The following CMSS1 variants were observed in gnomAD, a reference collection of about 807,000 sequenced individuals.
CMSS1 encodes protein CMSS1.
CMSS1 carries 33 observed loss-of-function variants against 43.5 expected under a neutral mutation model. That is an observed-to-expected ratio of 0.76 (90% CI 0.57 to 1.01). The LOEUF (loss-of-function observed/expected upper bound fraction) is 1.01. Ranked by LOEUF, CMSS1 falls within the 50% of genes least tolerant of loss-of-function variation. The pLI, the probability that CMSS1 is intolerant of heterozygous loss-of-function variation, is 0.00. For synonymous variants in CMSS1, 115 were observed against 117.2 expected, an observed-to-expected ratio of 0.98 and a Z score of 0.12; for missense variants, 313 against 326.4, an observed-to-expected ratio of 0.96 and a Z score of 0.32.
At chr3:99,984,260 T>C (rs1709266110) in intron 1 of CMSS1, among the ~76,000 whole-genome samples, 1 of 152,210 alleles carries the variant, frequency 6.6e-6, no homozygotes, top group Non-Finnish European at 1.5e-5. Context: ...CATGTATTTA[T>C]TATGTAGAGT....
chr3:99,971,208 C>T (rs1158642286), intron 1 of CMSS1, among the ~76,000 whole-genome samples: 1 of 151,956 alleles, frequency 6.6e-6, no homozygotes, highest in Non-Finnish European at 1.5e-5. Flanking sequence ...GGCCTGGTGG[C>T]AGATGCCTGT....
chr3:100,152,353 A>G (rs2066926233), intron 2 of CMSS1, among the ~76,000 whole-genome samples: 1 of 152,042 alleles, frequency 6.6e-6, no homozygotes, highest in African/African-American at 2.4e-5. Flanking sequence ...TTCTGCATAT[A>G]TACCTCCTTT....
chr3:100,142,506 G>T (rs1432857396), intron 1 of CMSS1, among the ~76,000 whole-genome samples: 1 of 152,148 alleles, frequency 6.6e-6, no homozygotes, highest in African/African-American at 2.4e-5. Context: ...TTGAGCATCT[G>T]TGGATTTTGG....
intron 8 of CMSS1, among the ~76,000 whole-genome samples, chr3:100,174,918 T>G (rs893900495): frequency 2.6e-5 from 4 of 152,160 alleles, no homozygotes; most frequent in African/African-American, 9.7e-5. Context: ...TAATAATGAA[T>G]GTATTTCCTT....
At chr3:100,087,979 C>T (rs186026469) in intron 1 of CMSS1, among the ~76,000 whole-genome samples, 1 of 151,882 alleles carries the variant, frequency 6.6e-6, no homozygotes, top group Non-Finnish European at 1.5e-5. Context: ...TACAGGTGCC[C>T]ACCACCATGC....
chr3:99,863,554 A>C (rs1220002411), intron 1 of CMSS1, among the ~76,000 whole-genome samples: 1 of 152,228 alleles, frequency 6.6e-6, no homozygotes. Flanking sequence ...GCAGATTGAA[A>C]GATACCCTAG....
chr3:100,156,655 G>A (rs904980878), intron 2 of CMSS1, among the ~76,000 whole-genome samples: 9 of 150,702 alleles, frequency 6.0e-5, no homozygotes, highest in East Asian at 5.9e-4. Context: ...TCGCTCTGTC[G>A]CCCGGGCTGG....
At chr3:99,872,525 A>C (rs1350448933) in intron 1 of CMSS1, among the ~76,000 whole-genome samples, 1 of 151,894 alleles carries the variant, frequency 6.6e-6, no homozygotes, top group Non-Finnish European at 1.5e-5. Flanking sequence ...TGTCCCAATC[A>C]TACACTTACC....
chr3:100,144,899 CT>C (rs1220241490), intron 1 of CMSS1, among the ~76,000 whole-genome samples: 1 of 152,120 alleles, frequency 6.6e-6, no homozygotes, highest in African/African-American at 2.4e-5. Flanking sequence ...AGCTGGTCTG[CT>C]ATCTTATCTC....
chr3:100,113,232 G>A (rs560892051), intron 1 of CMSS1, among the ~76,000 whole-genome samples: 15 of 152,248 alleles, frequency 9.9e-5, no homozygotes, highest in East Asian at 5.8e-4. Flanking sequence ...TCAGTGGAGC[G>A]CCTATATACA....
chr3:100,019,375 T>A (rs34996634), intron 1 of CMSS1, among the ~76,000 whole-genome samples: 24,426 of 151,886 alleles, frequency 0.16, 2,331 homozygotes, highest in South Asian at 0.21. Context: ...AAAATATGAA[T>A]TGACAGGAGA....
At chr3:100,143,708 G>A (rs527571298) in intron 1 of CMSS1, among the ~76,000 whole-genome samples, 69 of 152,126 alleles carry the variant, frequency 4.5e-4, no homozygotes, top group Admixed American at 5.2e-4. Flanking sequence ...TTTTTACTTT[G>A]CATGCTTTGT....
chr3:100,042,589 T>C, intron 1 of CMSS1, among the ~76,000 whole-genome samples: 1 of 152,226 alleles, frequency 6.6e-6, no homozygotes. Flanking sequence ...GGTTCAGACA[T>C]TGTTAACCAG....
chr3:99,849,266 C>T, intron 1 of CMSS1: 1 of 1,614,168 alleles, frequency 6.2e-7, no homozygotes, highest in Non-Finnish European at 8.5e-7. Flanking sequence ...TTGTCTACTG[C>T]TTCTGTCTGA....
At chr3:100,071,013 G>C (rs2065752225) in intron 1 of CMSS1, among the ~76,000 whole-genome samples, 1 of 146,046 alleles carries the variant, frequency 6.8e-6, no homozygotes, top group Admixed American at 6.8e-5. Context: ...AAGCTATTCA[G>C]TTATACAGAA....
chr3:99,876,197 G>A (rs1705510528), intron 1 of CMSS1: 2 of 985,336 alleles, frequency 2.0e-6, no homozygotes, highest in South Asian at 9.4e-5. Flanking sequence ...AGCGCGCCCG[G>A]CCTATGGGCG....
At chr3:100,147,972 C>T (rs754421363) in intron 2 of CMSS1, among the ~76,000 whole-genome samples, 3 of 152,146 alleles carry the variant, frequency 2.0e-5, no homozygotes, top group Non-Finnish European at 2.9e-5. Flanking sequence ...TTCCATCAAA[C>T]CTGATTGGTA....
rs962132185 is a variant in CMSS1, at chr3:100,066,246, G to A, written c.65-80727G>A. Among the ~76,000 whole-genome samples the A allele has an allele frequency of 8.6e-5, 13 of 151,934 alleles. No homozygotes were observed. The East Asian group carries it at 2.5e-3, about 29-fold the overall frequency. On this transcript the variant is annotated intron_variant, in intron 1 of 9. Coordinates refer to ENST00000421999, the MANE Select transcript of CMSS1 (RefSeq NM_032359.4). ...GAAATGCCTCCTGCAGCTCTCTGTG[G>A]GATTCTTTTCTTTTTATTATTTTAA...
At chr3:99,844,748 C>G (rs1194555162) in intron 1 of CMSS1, among the ~76,000 whole-genome samples, 1 of 152,162 alleles carries the variant, frequency 6.6e-6, no homozygotes, top group African/African-American at 2.4e-5. Context: ...TAACTGAAAT[C>G]CCCGTTTGGA....
Sources: gnomAD v4.1 joint callset for allele counts (sites outside exome capture counted in the v4.1 genomes callset) on GRCh38, gnomAD v4.1.1 for gene constraint, MANE v1.5 for transcripts, NCBI Gene and HGNC (gene_info 2026-07-23, HGNC 2026-07-21) for gene names.